KLHL20: variants seen among roughly 807,000 people sequenced by gnomAD.
The protein encoded by KLHL20 is kelch-like protein 20.
A neutral mutation model predicts 69.5 loss-of-function variants in KLHL20; 29 were observed. The ratio of observed to expected loss-of-function variants is 0.42; its 90% CI spans 0.31 to 0.57. The LOEUF (loss-of-function observed/expected upper bound fraction) is 0.57. Among genes scored for constraint, KLHL20 ranks in the 20% least tolerant of loss-of-function variants. The pLI, the probability that KLHL20 is intolerant of heterozygous loss-of-function variation, is 0.18. For missense variants in KLHL20, 419 were observed against 776.0 expected (o/e 0.54, Z 5.47); for synonymous variants, 253 against 265.2 (o/e 0.95, Z 0.45).
intron 2 of KLHL20, among the ~76,000 whole-genome samples, chr1:173,732,488 C>T (rs1188993862): frequency 6.6e-6 from 1 of 152,112 alleles, no homozygotes; most frequent in African/African-American, 2.4e-5. Context: ...CTGCAGTTTA[C>T]GAGGGGAAGC....
intron 2 of KLHL20, among the ~76,000 whole-genome samples, chr1:173,732,025 G>A (rs146306091): frequency 5.1e-4 from 77 of 151,930 alleles, no homozygotes; most frequent in African/African-American, 1.7e-3. Flanking sequence ...GTGAAACCCC[G>A]TCTCTACTAA....
At chr1:173,749,354 C>A (rs1247217227) in intron 3 of KLHL20, among the ~76,000 whole-genome samples, 1 of 152,180 alleles carries the variant, frequency 6.6e-6, no homozygotes, top group Non-Finnish European at 1.5e-5. Context: ...ATAGCATCTA[C>A]ATTCATCTGA....
At chr1:173,783,966 C>G (rs930540566) in intron 11 of KLHL20, among the ~76,000 whole-genome samples, 3 of 152,002 alleles carry the variant, frequency 2.0e-5, no homozygotes, top group Non-Finnish European at 4.4e-5. Context: ...GTAATCCCAG[C>G]TACTAGGGAG....
chr1:173,762,755 AC>A (rs755491948), intron 7 of KLHL20, among the ~76,000 whole-genome samples: 45 of 152,180 alleles, frequency 3.0e-4, no homozygotes, highest in Non-Finnish European at 5.3e-4. Flanking sequence ...TCTATAACAA[AC>A]CCACAGCCAA....
chr1:173,728,778 G>C (rs570937164), intron 2 of KLHL20, among the ~76,000 whole-genome samples: 13 of 151,870 alleles, frequency 8.6e-5, no homozygotes, highest in Admixed American at 1.3e-4. Context: ...TAAATGCCCA[G>C]AAGAGAAAGC....
intron 10 of KLHL20, 121 bp from the exon 11 acceptor site, chr1:173,782,003 A>C (rs1027303405): frequency 1.5e-6 from 1 of 645,164 alleles, no homozygotes; most frequent in Non-Finnish European, 2.7e-6. Context: ...GTGTTTCAGT[A>C]AACCAGAATG....
chr1:173,778,924 C>A (rs1648665183), intron 10 of KLHL20, among the ~76,000 whole-genome samples: 2 of 151,554 alleles, frequency 1.3e-5, no homozygotes, highest in South Asian at 4.2e-4. Flanking sequence ...TTTAATTGAT[C>A]TTTTGTGTTT....
At chr1:173,743,613 T>A (rs539091020) in intron 3 of KLHL20, among the ~76,000 whole-genome samples, 1 of 152,236 alleles carries the variant, frequency 6.6e-6, no homozygotes, top group African/African-American at 2.4e-5. Context: ...ATTCATTGAT[T>A]AGCACTGTGG....
At chr1:173,730,603 AAAAC>A (rs1293519201) in intron 2 of KLHL20, among the ~76,000 whole-genome samples, 2 of 152,202 alleles carry the variant, frequency 1.3e-5, no homozygotes, top group East Asian at 1.9e-4. Flanking sequence ...AAACCTGAGA[AAAAC>A]AAGCAATGGG....
chr1:173,784,770 G>A (rs1649099542), intron 11 of KLHL20, among the ~76,000 whole-genome samples: 1 of 152,158 alleles, frequency 6.6e-6, no homozygotes, highest in Non-Finnish European at 1.5e-5. Flanking sequence ...AAGAATTTTA[G>A]GCAAAGGGAA....
At chr1:173,738,150 G>A (rs1378207547) in intron 3 of KLHL20, among the ~76,000 whole-genome samples, 5 of 151,840 alleles carry the variant, frequency 3.3e-5, no homozygotes, top group African/African-American at 1.2e-4. Flanking sequence ...TCATATTGTC[G>A]GCAAACAGCG....
chr1:173,755,896 G>T, intron 5 of KLHL20, 27 bp from the exon 6 acceptor site: 3 of 1,451,278 alleles, frequency 2.1e-6, no homozygotes, highest in Non-Finnish European at 2.9e-6. Context: ...TTAGATATTT[G>T]GAATAAAGGC....
intron 3 of KLHL20, among the ~76,000 whole-genome samples, chr1:173,738,164 G>A (rs1467242592): frequency 6.6e-6 from 1 of 151,996 alleles, no homozygotes; most frequent in Non-Finnish European, 1.5e-5. Flanking sequence ...AACAGCGACA[G>A]TTTGACTTTC....
chr1:173,720,552 A>G (rs1306023635), intron 2 of KLHL20, among the ~76,000 whole-genome samples: 1 of 152,210 alleles, frequency 6.6e-6, no homozygotes, highest in Admixed American at 6.6e-5. Context: ...ACTGATTTCT[A>G]GGCACATAGG....
At chr1:173,772,001 G>A (rs879260988) in intron 8 of KLHL20, among the ~76,000 whole-genome samples, 10 of 152,188 alleles carry the variant, frequency 6.6e-5, no homozygotes, top group Admixed American at 3.3e-4. Context: ...GGAGGTAGAA[G>A]AAGAAAAGGT....
chr1:173,715,281 C>T (rs1012329394), intron 1 of KLHL20: 1 of 152,316 alleles, frequency 6.6e-6, no homozygotes, highest in African/African-American at 2.4e-5. Context: ...GACAGCCTAT[C>T]TCGGGAGCCA....
intron 3 of KLHL20, among the ~76,000 whole-genome samples, chr1:173,735,486 G>A (rs754741682): frequency 6.6e-6 from 1 of 151,392 alleles, no homozygotes; most frequent in African/African-American, 2.4e-5. Context: ...TTGATCCTAA[G>A]AGTGCTAGAA....
intron 3 of KLHL20, among the ~76,000 whole-genome samples, chr1:173,735,248 C>T (rs1020284074): frequency 1.3e-5 from 2 of 152,132 alleles, no homozygotes; most frequent in Non-Finnish European, 2.9e-5. Context: ...GAGTTCAACA[C>T]TAGCCTGGGC....
At chr1:173,726,495 C>T (rs1671969001) in intron 2 of KLHL20, among the ~76,000 whole-genome samples, 1 of 152,136 alleles carries the variant, frequency 6.6e-6, no homozygotes, top group African/African-American at 2.4e-5. Context: ...TGGGAGGCAC[C>T]CCCCAGTAGG....
Sources: allele counts gnomAD v4.1 joint callset (sites outside exome capture counted in the v4.1 genomes callset), GRCh38; gene constraint gnomAD v4.1.1; transcripts MANE v1.5; gene names NCBI Gene and HGNC (gene_info 2026-07-23, HGNC 2026-07-21).